Variants in CFAP20DC observed in about 807,000 individuals in gnomAD.
The protein encoded by CFAP20DC is CFAP20 domain containing, also known as protein CFAP20DC.
Under a neutral mutation model 101.7 loss-of-function variants are expected in CFAP20DC, and 84 were observed. That is an observed-to-expected ratio of 0.83 (90% CI 0.69 to 0.99). The LOEUF is 0.99. Among genes scored for constraint, CFAP20DC ranks in the 50% least tolerant of loss-of-function variants. CFAP20DC has a pLI of 0.00. For missense variants in CFAP20DC, 1,007 were observed against 970.3 expected, an observed-to-expected ratio of 1.04 and a Z score of -0.50; for synonymous variants, 359 against 351.2, an observed-to-expected ratio of 1.02 and a Z score of -0.25.
chr3:58,867,695 AACAG>A (rs2079811922), intron 10 of CFAP20DC, 118 bp downstream of exon 10: 7 of 1,203,152 alleles, frequency 5.8e-6, no homozygotes, highest in Non-Finnish European at 8.3e-6. Flanking sequence ...ATCCTTGTAG[AACAG>A]ACATTTATAT....
chr3:58,787,987 G>C (rs962091465), intron 15 of CFAP20DC, among the ~76,000 whole-genome samples: 10 of 151,714 alleles, frequency 6.6e-5, no homozygotes, highest in Admixed American at 1.3e-4. Flanking sequence ...GGGCCTGTTG[G>C]GGGGTGGGGT....
chr3:58,778,004 C>A, intron 15 of CFAP20DC, among the ~76,000 whole-genome samples: 1 of 152,198 alleles, frequency 6.6e-6, no homozygotes, highest in Non-Finnish European at 1.5e-5. Context: ...AATCCCATAT[C>A]CTGCCTCCAG....
intron 4 of CFAP20DC, among the ~76,000 whole-genome samples, chr3:58,985,402 C>G (rs2092716882): frequency 6.6e-6 from 1 of 152,158 alleles, no homozygotes; most frequent in Admixed American, 6.5e-5. Flanking sequence ...ATTACACTCA[C>G]CATATCTAGT....
chr3:59,022,350 TA>T (rs921482497), intron 4 of CFAP20DC, among the ~76,000 whole-genome samples: 6 of 150,460 alleles, frequency 4.0e-5, no homozygotes, highest in Admixed American at 6.6e-5. Flanking sequence ...GGATTTTTCC[TA>T]AAAAAAAACA....
intron 4 of CFAP20DC, among the ~76,000 whole-genome samples, chr3:58,959,920 G>A (rs1202872431): frequency 6.6e-6 from 1 of 152,110 alleles, no homozygotes; most frequent in Non-Finnish European, 1.5e-5. Context: ...TCTCTCAGCA[G>A]TGTTCTGTAA....
intron 14 of CFAP20DC, among the ~76,000 whole-genome samples, chr3:58,822,077 T>A (rs1456823835): frequency 7.6e-6 from 1 of 131,042 alleles, no homozygotes; most frequent in Non-Finnish European, 1.5e-5. Context: ...TTCTCACTCA[T>A]AGGTGGGAAT....
At chr3:58,937,110 A>T (rs1446481961) in intron 5 of CFAP20DC, among the ~76,000 whole-genome samples, 1 of 152,200 alleles carries the variant, frequency 6.6e-6, no homozygotes, top group Non-Finnish European at 1.5e-5. Flanking sequence ...GAAGTTATAC[A>T]ACGTACTTAA....
intron 3 of CFAP20DC, among the ~76,000 whole-genome samples, chr3:59,041,473 G>A (rs1699378640): frequency 6.6e-6 from 1 of 152,036 alleles, no homozygotes; most frequent in African/African-American, 2.4e-5. Flanking sequence ...GATCCTGTGT[G>A]TCAGATGCTA....
intron 13 of CFAP20DC, among the ~76,000 whole-genome samples, chr3:58,845,483 T>G (rs1016167200): frequency 1.3e-5 from 2 of 150,410 alleles, no homozygotes; most frequent in Non-Finnish European, 3.0e-5. Flanking sequence ...AATCTCTGAA[T>G]AGACCAATAA....
intron 12 of CFAP20DC, among the ~76,000 whole-genome samples, chr3:58,855,503 C>G (rs544033104): frequency 6.6e-6 from 1 of 152,206 alleles, no homozygotes; most frequent in African/African-American, 2.4e-5. Flanking sequence ...ACCCAAAGGA[C>G]TATAAATCAT....
chr3:58,916,382 T>C (rs2084713027), intron 5 of CFAP20DC, among the ~76,000 whole-genome samples: 1 of 152,034 alleles, frequency 6.6e-6, no homozygotes, highest in Non-Finnish European at 1.5e-5. Flanking sequence ...AAACTCTGAG[T>C]CCTAAGAAAC....
rs2067673899 is a variant in CFAP20DC at position 58,732,961 on chromosome 3, CAT to C, written c.198-15335_198-15334del. Reference sequence around the variant, plus strand: ...GAGGATTATTTCTATAATTTCTTAACATAATCTTATCCAATCATTAGAAAAAC... The same window carrying C: ...GAGGATTATTTCTATAATTTCTTAACAATCTTATCCAATCATTAGAAAAAC... On this transcript the variant is annotated intron_variant, in intron 3 of 3. Transcript: ENST00000486145. This position sits in a 1 kb window ranked among gnomAD's most constrained non-coding sequence, Gnocchi z 5.4. 6.6e-6 allele frequency among the ~76,000 whole-genome samples: 1 copy of C among 152,192 alleles called. No homozygotes were observed. Among genetic ancestry groups the C allele is most frequent in the South Asian group, 2.1e-4 (1 of 4,832 alleles).
At chr3:58,735,581 C>G (rs2067734213) in intron 3 of CFAP20DC, among the ~76,000 whole-genome samples, 2 of 152,194 alleles carry the variant, frequency 1.3e-5, no homozygotes. Context: ...CAGAGGGTCT[C>G]AGCCTTGGCA....
chr3:58,810,226 C>A (rs566327640), intron 14 of CFAP20DC, among the ~76,000 whole-genome samples: 2 of 152,046 alleles, frequency 1.3e-5, no homozygotes, highest in African/African-American at 2.4e-5. Context: ...ATCCTGATAC[C>A]AAAGTTGGGC....
At chr3:58,761,205 A>G (rs1202411244) in intron 15 of CFAP20DC, among the ~76,000 whole-genome samples, 2 of 152,144 alleles carry the variant, frequency 1.3e-5, no homozygotes, top group African/African-American at 2.4e-5. Flanking sequence ...TATTGCCTCA[A>G]TTTCAGAGCC....
intron 15 of CFAP20DC, among the ~76,000 whole-genome samples, chr3:58,771,472 T>C (rs141170003): frequency 8.6e-4 from 131 of 151,796 alleles, no homozygotes; most frequent in African/African-American, 2.9e-3. Flanking sequence ...GTTAACAATA[T>C]CCATTTCCCA....
chr3:58,948,097 A>T (rs1233071265), intron 4 of CFAP20DC, among the ~76,000 whole-genome samples: 3 of 152,238 alleles, frequency 2.0e-5, no homozygotes, highest in Non-Finnish European at 4.4e-5. Context: ...ACTTGCACTA[A>T]CTTGCACCAA....
intron 6 of CFAP20DC, among the ~76,000 whole-genome samples, chr3:58,890,254 C>G (rs1251318612): frequency 3.0e-5 from 4 of 133,616 alleles, no homozygotes; most frequent in African/African-American, 8.4e-5. Context: ...CAGTAGGGGC[C>G]GCCGGGCAGA....
intron 15 of CFAP20DC, among the ~76,000 whole-genome samples, chr3:58,798,997 T>G (rs2073463923): frequency 6.6e-6 from 1 of 152,246 alleles, no homozygotes; most frequent in Admixed American, 6.5e-5. Flanking sequence ...AAAATTCTTG[T>G]GATTTTTGCT....
Sources: gnomAD v4.1 joint callset for allele counts (sites outside exome capture counted in the v4.1 genomes callset) on GRCh38, gnomAD v4.1.1 for gene constraint, Gnocchi (gnomAD v3.1) non-coding constraint, MANE v1.5 for transcripts, NCBI Gene and HGNC (gene_info 2026-07-23, HGNC 2026-07-21) for gene names.